ITGA1: variants seen among roughly 807,000 people sequenced by gnomAD.
The protein encoded by ITGA1 is integrin alpha-1.
In ITGA1, 85 loss-of-function variants were observed where a neutral mutation model predicts 145.9. The observed-to-expected ratio is 0.58, with a 90% confidence interval of 0.49 to 0.70. The LOEUF (loss-of-function observed/expected upper bound fraction) is 0.70. Among genes scored for constraint, ITGA1 ranks in the 30% least tolerant of loss-of-function variants. The probability of loss-of-function intolerance (pLI) is 0.00; values close to 1 mark genes in which losing one functional copy is unlikely to be tolerated. For synonymous variants in ITGA1, 520 were observed against 495.3 expected (o/e 1.05, Z -0.66); for missense variants, 1,351 against 1,418.7 (o/e 0.95, Z 0.77).
chr5:52,897,540 A>G lies in ITGA1; in HGVS notation c.1164+12A>G. ...CTCATTATTCACAGGTATGTTGACC[A>G]GTTGGTGAAAAATGAAATATATGTT... On this transcript the variant is annotated intron_variant, in intron 10 of 28. Transcript: ENST00000282588. The G allele has an allele frequency of 1.2e-6, 2 of 1,605,738 alleles. No individual in the cohort carries two copies. The highest frequency in any genetic ancestry group is 2.7e-5 in the African/African-American group (2 of 74,836).
At chr5:52,947,053 G>A (rs1751145644) in intron 27 of ITGA1, among the ~76,000 whole-genome samples, 2 of 152,118 alleles carry the variant, frequency 1.3e-5, no homozygotes, top group African/African-American at 4.8e-5. Flanking sequence ...TTCTCCCTGA[G>A]TTAAACAGAA....
At chr5:52,839,317 TG>T (rs894352983) in intron 1 of ITGA1, among the ~76,000 whole-genome samples, 1 of 152,240 alleles carries the variant, frequency 6.6e-6, no homozygotes, top group African/African-American at 2.4e-5. Context: ...TATTTGAATA[TG>T]TTTTTTGTTT....
intron 21 of ITGA1, among the ~76,000 whole-genome samples, chr5:52,930,080 T>C (rs1282563335): frequency 1.3e-5 from 2 of 152,194 alleles, no homozygotes; most frequent in Non-Finnish European, 2.9e-5. Context: ...TAAAGTTTTA[T>C]GATATCCTTT....
intron 1 of ITGA1, among the ~76,000 whole-genome samples, chr5:52,805,912 T>A (rs970670678): frequency 3.9e-5 from 6 of 152,200 alleles, no homozygotes; most frequent in African/African-American, 1.4e-4. Flanking sequence ...TTTCAAAAAT[T>A]GATTTTGACC....
At chr5:52,896,987 G>A (rs1750236563) in intron 9 of ITGA1, among the ~76,000 whole-genome samples, 1 of 152,100 alleles carries the variant, frequency 6.6e-6, no homozygotes, top group Non-Finnish European at 1.5e-5. Context: ...ATATGGGTGG[G>A]ACTGATGGAG....
chr5:52,915,261 A>AT (rs1414685830), intron 14 of ITGA1, among the ~76,000 whole-genome samples: 3 of 152,124 alleles, frequency 2.0e-5, no homozygotes, highest in Non-Finnish European at 2.9e-5. Context: ...CCTTGTAATG[A>AT]TTTTGTCTGT....
At chr5:52,837,964 T>C (rs937284356) in intron 1 of ITGA1, among the ~76,000 whole-genome samples, 11 of 152,222 alleles carry the variant, frequency 7.2e-5, no homozygotes, top group Non-Finnish European at 1.5e-4. Flanking sequence ...CATTCCAAGC[T>C]ACTGAGACTT....
intron 1 of ITGA1, among the ~76,000 whole-genome samples, chr5:52,821,522 T>C (rs1748879017): frequency 6.6e-6 from 1 of 152,192 alleles, no homozygotes; most frequent in Non-Finnish European, 1.5e-5. Context: ...AATTCAGTTT[T>C]CCCTAGCACC....
chr5:52,895,326 G>C (rs956680356), intron 9 of ITGA1, among the ~76,000 whole-genome samples: 1 of 152,120 alleles, frequency 6.6e-6, no homozygotes, highest in African/African-American at 2.4e-5. Context: ...GAACTCAGCT[G>C]TCTTGTGCTC....
chr5:52,868,425 T>C (rs1434017360), intron 6 of ITGA1, among the ~76,000 whole-genome samples: 2 of 152,224 alleles, frequency 1.3e-5, no homozygotes, highest in African/African-American at 4.8e-5. Context: ...CAATTGCTTA[T>C]ATGCTCAAGC....
chr5:52,832,021 G>A (rs1006974194), intron 1 of ITGA1, among the ~76,000 whole-genome samples: 13 of 152,040 alleles, frequency 8.6e-5, no homozygotes, highest in African/African-American at 3.1e-4. Flanking sequence ...CCCCAGCCAC[G>A]GTGGAGAAAT....
At chr5:52,791,942 A>G (rs542544369) in intron 1 of ITGA1, among the ~76,000 whole-genome samples, 1 of 152,320 alleles carries the variant, frequency 6.6e-6, no homozygotes, top group South Asian at 2.1e-4. Context: ...AATATGCTAT[A>G]TTGGCTGCCT....
At chr5:52,937,668 A>G (rs1750991245) in intron 24 of ITGA1, among the ~76,000 whole-genome samples, 154 bp downstream of exon 24, 1 of 152,252 alleles carries the variant, frequency 6.6e-6, no homozygotes, top group African/African-American at 2.4e-5. Context: ...TAATAGATGT[A>G]TTATTCCCTA....
At chr5:52,891,106 G>GT (rs1163474340) in intron 8 of ITGA1, among the ~76,000 whole-genome samples, 1 of 151,892 alleles carries the variant, frequency 6.6e-6, no homozygotes, top group Admixed American at 6.6e-5. Context: ...GATATACCAT[G>GT]TTTTTTTAAA....
chr5:52,892,391 G>A (rs899843436), intron 8 of ITGA1, among the ~76,000 whole-genome samples: 1 of 144,002 alleles, frequency 6.9e-6, no homozygotes, highest in Non-Finnish European at 1.5e-5. Context: ...ATTTCTGATG[G>A]GAATAGTAAA....
At chr5:52,800,598 C>T (rs1433661725) in intron 1 of ITGA1, 2 of 1,613,342 alleles carry the variant, frequency 1.2e-6, no homozygotes, top group Admixed American at 3.3e-5. Flanking sequence ...TCACTCTCTG[C>T]GTGGAGGCCA....
intron 1 of ITGA1, among the ~76,000 whole-genome samples, chr5:52,806,919 TG>T (rs1203351068): frequency 6.6e-6 from 1 of 152,242 alleles, no homozygotes; most frequent in African/African-American, 2.4e-5. Context: ...CTATAATAAT[TG>T]ACATTGATAT....
intron 28 of ITGA1, among the ~76,000 whole-genome samples, chr5:52,950,901 A>G (rs1448702887): frequency 1.3e-5 from 2 of 152,162 alleles, no homozygotes; most frequent in African/African-American, 4.8e-5. Flanking sequence ...CAAGTTAAGA[A>G]GCCTAATGGT....
At chr5:52,803,627 C>T (rs1748531860) in intron 1 of ITGA1, 1 of 152,126 alleles carries the variant, frequency 6.6e-6, no homozygotes, top group South Asian at 2.1e-4. Flanking sequence ...AACGTTTTAT[C>T]CCTAGAAATG....
Sources: gnomAD v4.1 joint callset for allele counts (sites outside exome capture counted in the v4.1 genomes callset) on GRCh38, gnomAD v4.1.1 for gene constraint, MANE v1.5 for transcripts, NCBI Gene and HGNC (gene_info 2026-07-23, HGNC 2026-07-21) for gene names.